The following UBE2R2 variants were observed in gnomAD, a reference collection of about 807,000 sequenced individuals.
UBE2R2 encodes ubiquitin-conjugating enzyme E2 R2.
Under a neutral mutation model 27.8 loss-of-function variants are expected in UBE2R2, and 1 was observed. The observed-to-expected ratio is 0.04, with a 90% CI of 0.01 to 0.17. UBE2R2 has a LOEUF of 0.17. Among genes scored for constraint, UBE2R2 ranks in the 10% least tolerant of loss-of-function variants. UBE2R2 has a pLI of 1.00. For synonymous variants in UBE2R2, 106 were observed against 113.3 expected (o/e 0.94, Z 0.41); for missense variants, 100 against 291.0 (o/e 0.34, Z 4.78).
chr9:33,892,060 G>A (rs900426525), intron 2 of UBE2R2, among the ~76,000 whole-genome samples: 6 of 152,118 alleles, frequency 3.9e-5, no homozygotes, highest in African/African-American at 1.2e-4. Context: ...TAGTATCAAT[G>A]GAGAACTAGG....
chr9:33,829,801 T>TC, intron 1 of UBE2R2, among the ~76,000 whole-genome samples: 1 of 150,610 alleles, frequency 6.6e-6, no homozygotes, highest in South Asian at 2.1e-4. Flanking sequence ...TCGTTTTTTT[T>TC]TTTTTTTTTT....
intron 1 of UBE2R2, among the ~76,000 whole-genome samples, chr9:33,884,198 A>ATATCTCTCTCTCTCTCTCTC: frequency 1.6e-5 from 1 of 63,442 alleles, no homozygotes; most frequent in Non-Finnish European, 3.0e-5. Flanking sequence ...CAACTTAAGA[A>ATATCTCTCTCTCTCTCTCTC]TCTCTCTCTC....
intron 1 of UBE2R2, among the ~76,000 whole-genome samples, chr9:33,839,749 A>G (rs1042635702): frequency 6.6e-6 from 1 of 152,184 alleles, no homozygotes; most frequent in Non-Finnish European, 1.5e-5. Context: ...TAATCCTAGC[A>G]CTTTGGGAGG....
At chr9:33,874,750 C>T (rs1349104486) in intron 1 of UBE2R2, among the ~76,000 whole-genome samples, 1 of 152,102 alleles carries the variant, frequency 6.6e-6, no homozygotes, top group Non-Finnish European at 1.5e-5. Context: ...TAGCTCACTG[C>T]AGCCTGGGTT....
chr9:33,829,620 A>G (rs1820400418), intron 1 of UBE2R2, among the ~76,000 whole-genome samples: 2 of 152,196 alleles, frequency 1.3e-5, no homozygotes, highest in Non-Finnish European at 2.9e-5. Flanking sequence ...AAATTTCTCA[A>G]TACAATATTG....
At chr9:33,842,291 C>T (rs968849229) in intron 1 of UBE2R2, among the ~76,000 whole-genome samples, 3 of 152,078 alleles carry the variant, frequency 2.0e-5, no homozygotes, top group Non-Finnish European at 2.9e-5. Flanking sequence ...GTCCCAGATA[C>T]GCGGAAGGCT....
At chr9:33,839,499 A>G (rs1047885819) in intron 1 of UBE2R2, among the ~76,000 whole-genome samples, 51 of 152,100 alleles carry the variant, frequency 3.4e-4, no homozygotes, top group African/African-American at 1.2e-3. Flanking sequence ...CAGCCTTCCA[A>G]AGTGCTGGGA....
chr9:33,821,099 A>G (rs1825974049), intron 1 of UBE2R2, among the ~76,000 whole-genome samples: 1 of 152,308 alleles, frequency 6.6e-6, no homozygotes, highest in South Asian at 2.1e-4. Context: ...TACTAGAAAA[A>G]TAAATTGTGG....
intron 1 of UBE2R2, among the ~76,000 whole-genome samples, chr9:33,882,313 G>C (rs1315893704): frequency 6.6e-6 from 1 of 152,110 alleles, no homozygotes; most frequent in Non-Finnish European, 1.5e-5. Context: ...TTGAGATGGA[G>C]TCTCATTCTG....
At chr9:33,881,988 G>A (rs1485373665) in intron 1 of UBE2R2, among the ~76,000 whole-genome samples, 1 of 152,114 alleles carries the variant, frequency 6.6e-6, no homozygotes, top group Non-Finnish European at 1.5e-5. Flanking sequence ...TTCTCCACCA[G>A]TATTTTTCCA....
At chr9:33,859,797 T>TGAGAGAGAGA (rs1250357067) in intron 1 of UBE2R2, among the ~76,000 whole-genome samples, 1 of 78,344 alleles carries the variant, frequency 1.3e-5, no homozygotes, top group African/African-American at 5.0e-5. Context: ...TGTGTGTGTG[T>TGAGAGAGAGA]GTGAGAGAGA....
At chr9:33,843,135 C>T in intron 1 of UBE2R2, among the ~76,000 whole-genome samples, 1 of 151,026 alleles carries the variant, frequency 6.6e-6, no homozygotes, top group East Asian at 1.9e-4. Flanking sequence ...GCAACCTCCA[C>T]CTCCTGGGGG....
chr9:33,821,987 T>C (rs1297141069), intron 1 of UBE2R2, among the ~76,000 whole-genome samples: 1 of 152,070 alleles, frequency 6.6e-6, no homozygotes, highest in African/African-American at 2.4e-5. Context: ...ATGTGTTCCA[T>C]TTTTAGAAAA....
chr9:33,884,038 G>T (rs1821794309), intron 1 of UBE2R2, among the ~76,000 whole-genome samples: 1 of 151,900 alleles, frequency 6.6e-6, no homozygotes, highest in Admixed American at 6.6e-5. Context: ...CATGCTTGTA[G>T]TCCCATCTAC....
chr9:33,838,866 T>G (rs1217597909), intron 1 of UBE2R2, among the ~76,000 whole-genome samples: 1 of 151,884 alleles, frequency 6.6e-6, no homozygotes, highest in Non-Finnish European at 1.5e-5. Flanking sequence ...GTGGATCACC[T>G]GAGATGAAGA....
intron 1 of UBE2R2, among the ~76,000 whole-genome samples, chr9:33,848,975 G>C (rs1416431218): frequency 6.6e-6 from 1 of 151,924 alleles, no homozygotes; most frequent in Non-Finnish European, 1.5e-5. Context: ...CTCCTGTTTA[G>C]GCCGGGTGCC....
chr9:33,905,903 A>G (rs998252959), intron 3 of UBE2R2, among the ~76,000 whole-genome samples: 1 of 152,212 alleles, frequency 6.6e-6, no homozygotes, highest in Non-Finnish European at 1.5e-5. Flanking sequence ...TGGTAGTAAC[A>G]GTATGCAGGA....
chr9:33,833,948 A>G (rs1001787167), intron 1 of UBE2R2, among the ~76,000 whole-genome samples: 3 of 152,188 alleles, frequency 2.0e-5, no homozygotes, highest in African/African-American at 7.2e-5. Context: ...CTCAAGATTC[A>G]TCCATGTTGT....
At position 33,911,402 on chromosome 9, in the gene UBE2R2, C is replaced by CAAAAAAAAAA; in HGVS notation, c.363-538_363-529dup. 1.8e-3 allele frequency among the ~76,000 whole-genome samples: 95 copies of CAAAAAAAAAA among 53,196 alleles called. 3 individuals carry two copies. The highest frequency in any genetic ancestry group is 2.7e-3 in the East Asian group (4 of 1,490). 34.9% of individuals were successfully genotyped at this position (53,196 alleles called of 152,430 possible). On this transcript the variant is annotated intron_variant, in intron 3 of 4. Coordinates refer to ENST00000263228, the MANE Select transcript of UBE2R2 (RefSeq NM_017811.4). ...GGGGAACAAGAGTGAAACTCCATCT[C>CAAAAAAAAAA]AAAAAAAAAAAAAAAAAAAAAAAAA...
Sources: gnomAD v4.1 joint callset for allele counts (sites outside exome capture counted in the v4.1 genomes callset) on GRCh38, gnomAD v4.1.1 for gene constraint, MANE v1.5 for transcripts, NCBI Gene and HGNC (gene_info 2026-07-23, HGNC 2026-07-21) for gene names.